The following TXLNB variants were observed in gnomAD, a reference collection of about 807,000 sequenced individuals.
The protein encoded by TXLNB is beta-taxilin.
In TXLNB, 37 loss-of-function variants were observed where a neutral mutation model predicts 57.4. The ratio of observed to expected loss-of-function variants is 0.64; its 90% CI spans 0.50 to 0.85. TXLNB has a LOEUF of 0.85. TXLNB is among the 40% of genes least tolerant of loss of function. TXLNB has a pLI of 0.00. For synonymous variants in TXLNB, 302 were observed against 309.6 expected, an observed-to-expected ratio of 0.98 and a Z score of 0.26; for missense variants, 848 against 825.6, an observed-to-expected ratio of 1.03 and a Z score of -0.33.
chr6:139,242,869 G>A lies in TXLNB; in HGVS notation c.1712C>T (p.Ala571Val), dbSNP rs199720834. 3 of 1,614,192 alleles carry A rather than the reference G, an allele frequency of 1.9e-6. No homozygotes were observed. The highest frequency in any genetic ancestry group is 2.5e-6 in the Non-Finnish European group (3 of 1,180,028). The change falls in exon 10 of 10, where the codon GCT becomes GTT. Residue 571 changes from alanine (A) to valine (V), a missense_variant. Physicochemically the swap from Ala to Val is moderately conservative, Grantham distance 64. Coordinates refer to ENST00000358430, the MANE Select transcript of TXLNB (RefSeq NM_153235.4). ...PQAEAEGGSDAEPPSKASNSP... is the reference protein window; with the variant it reads ...PQAEAEGGSDVEPPSKASNSP... ...ATTACTGGCCTTGGAGGGAGGTTCA[G>A]CATCACTGCCTCCTTCGGCTTCAGC... is the stretch of plus-strand genomic sequence containing the variant.
At chr6:139,166,047 G>T in the TXLNB span, 2 of 443,734 alleles carry the variant, frequency 4.5e-6, no homozygotes, top group South Asian at 9.4e-5. Flanking sequence ...ACAACCTAAA[G>T]CTCAGGATGA....
At chr6:139,273,466 A>T (rs1464476427) in intron 3 of TXLNB, among the ~76,000 whole-genome samples, 1 of 152,120 alleles carries the variant, frequency 6.6e-6, no homozygotes, top group Non-Finnish European at 1.5e-5. Flanking sequence ...TTTATTTTTA[A>T]TTTTAATTTT....
chr6:139,302,609 C>A, the TXLNB span, among the ~76,000 whole-genome samples: 214 of 117,908 alleles, frequency 1.8e-3, no homozygotes, highest in Non-Finnish European at 2.2e-3. Context: ...ACTAAAAATA[C>A]AAAAAAAAAA....
chr6:139,294,376 TC>T (rs1777353582), upstream of TXLNB, among the ~76,000 whole-genome samples: 2 of 152,152 alleles, frequency 1.3e-5, no homozygotes, highest in South Asian at 4.1e-4. Context: ...TTCATGGGGC[TC>T]TCATTTGATA....
At chr6:139,322,569 G>A in the TXLNB span, among the ~76,000 whole-genome samples, 1 of 152,110 alleles carries the variant, frequency 6.6e-6, no homozygotes, top group African/African-American at 2.4e-5. Context: ...TAGTTACTCA[G>A]ATCAAAAATT....
chr6:139,232,342 G>A, the TXLNB span, among the ~76,000 whole-genome samples: 1 of 152,120 alleles, frequency 6.6e-6, no homozygotes, highest in African/African-American at 2.4e-5. Flanking sequence ...ATTCCACCGG[G>A]TCCCTCCCTC....
At chr6:139,228,796 C>T in the TXLNB span, among the ~76,000 whole-genome samples, 1 of 152,116 alleles carries the variant, frequency 6.6e-6, no homozygotes. Flanking sequence ...CCCCAGATAA[C>T]GTATGAATAA....
the TXLNB span, among the ~76,000 whole-genome samples, chr6:139,182,077 T>G: frequency 6.6e-6 from 1 of 152,352 alleles, no homozygotes; most frequent in Admixed American, 6.5e-5. Context: ...CTTCATATAC[T>G]GTGATCAAGA....
At chr6:139,185,503 C>G in the TXLNB span, among the ~76,000 whole-genome samples, 4 of 152,216 alleles carry the variant, frequency 2.6e-5, no homozygotes, top group African/African-American at 7.2e-5. Flanking sequence ...AGATCGAGAC[C>G]ATCCTGGCTA....
chr6:139,263,029 C>T lies in TXLNB; in HGVS notation c.688-256G>A, dbSNP rs117657173. Among the ~76,000 whole-genome samples, 234 of 152,312 alleles carry T rather than the reference C, an allele frequency of 1.5e-3. 3 individuals are homozygous for T. The East Asian group carries it at 0.027, about 17-fold the overall frequency. ...GAATAGACTTGTTTTAAAGATGATG[C>T]GTCTCTTGCTGAGTGAATGAACTGC... is the stretch of plus-strand genomic sequence containing the variant. On this transcript the variant is annotated intron_variant, in intron 4 of 9. Transcript: ENST00000358430.
downstream of TXLNB, among the ~76,000 whole-genome samples, chr6:139,236,744 A>C (rs879654036): frequency 2.1e-4 from 32 of 152,160 alleles, no homozygotes; most frequent in Admixed American, 2.0e-3. Context: ...AGCTGGGACC[A>C]CAGGTGCCTG....
the TXLNB span, among the ~76,000 whole-genome samples, chr6:139,180,981 C>T: frequency 4.6e-5 from 7 of 152,306 alleles, no homozygotes; most frequent in South Asian, 6.2e-4. Flanking sequence ...TTGCTGCTTG[C>T]GTCATGTATC....
At chr6:139,222,495 C>T in the TXLNB span, among the ~76,000 whole-genome samples, 1 of 152,076 alleles carries the variant, frequency 6.6e-6, no homozygotes, top group Non-Finnish European at 1.5e-5. Flanking sequence ...CCTGATAGAA[C>T]AAAATGGAGA....
chr6:139,319,370 G>C, the TXLNB span, among the ~76,000 whole-genome samples: 1 of 151,358 alleles, frequency 6.6e-6, no homozygotes, highest in Non-Finnish European at 1.5e-5. Context: ...CAAGTTCTGG[G>C]ATTATAGGTG....
At chr6:139,224,141 T>C in the TXLNB span, among the ~76,000 whole-genome samples, 1,346 of 150,176 alleles carry the variant, frequency 9.0e-3, 11 homozygotes, top group Non-Finnish European at 0.014. Flanking sequence ...TTCATGTCCT[T>C]TGTAGGGACA....
the TXLNB span, among the ~76,000 whole-genome samples, chr6:139,211,654 G>A: frequency 6.6e-6 from 1 of 152,120 alleles, no homozygotes; most frequent in Non-Finnish European, 1.5e-5. Context: ...AGTTGAGAGA[G>A]GAAGGCTTCA....
the TXLNB span, among the ~76,000 whole-genome samples, chr6:139,206,813 C>A: frequency 6.6e-6 from 1 of 152,026 alleles, no homozygotes; most frequent in African/African-American, 2.4e-5. Context: ...AGATATTCCA[C>A]ACAAATGGAA....
the TXLNB span, among the ~76,000 whole-genome samples, chr6:139,229,865 C>A: frequency 6.6e-6 from 1 of 152,202 alleles, no homozygotes; most frequent in African/African-American, 2.4e-5. Flanking sequence ...ATAGACAATG[C>A]ACCTCCCACC....
At position 139,243,293 on chromosome 6, in the gene TXLNB, A is replaced by C; in HGVS notation, c.1288T>G (p.Tyr430Asp). 3 of 1,610,894 alleles carry C rather than the reference A, an allele frequency of 1.9e-6. No individual in the cohort carries two copies. Among genetic ancestry groups the C allele is most frequent in the Non-Finnish European group, 2.5e-6 (3 of 1,179,800 alleles). ...IEEKALRAKEYECFVMKIGRL... is the reference protein window; with the variant it reads ...IEEKALRAKEDECFVMKIGRL... ...CCGATTTTCATCACAAAGCACTCAT[A>C]TTCTTTAGCTCTCAGTGCTTTCTGT... is the stretch of plus-strand genomic sequence containing the variant. Residue 430 changes from tyrosine (Y) to aspartate (D), a missense_variant, in exon 10 of 10, where the codon TAT (tyrosine) becomes GAT (aspartate). Tyr to Asp is a radical substitution (Grantham distance 160). Coordinates refer to ENST00000358430, the MANE Select transcript of TXLNB (RefSeq NM_153235.4).
Sources: allele counts gnomAD v4.1 joint callset (sites outside exome capture counted in the v4.1 genomes callset), GRCh38; gene constraint gnomAD v4.1.1; transcripts MANE v1.5; gene names NCBI Gene and HGNC (gene_info 2026-07-23, HGNC 2026-07-21).